The following GATAD2B variants were observed in gnomAD, a reference collection of about 807,000 sequenced individuals.
GATAD2B encodes GATA zinc finger domain containing 2B, also known as transcriptional repressor p66-beta.
In GATAD2B, 8 loss-of-function variants were observed where a neutral mutation model predicts 64.3. That is an observed-to-expected ratio of 0.12 (90% CI 0.07 to 0.22). The LOEUF (loss-of-function observed/expected upper bound fraction) is 0.22. GATAD2B is among the 10% of genes least tolerant of loss of function. The pLI, the probability that GATAD2B is intolerant of heterozygous loss-of-function variation, is 1.00. For missense variants in GATAD2B, 453 were observed against 752.0 expected, an observed-to-expected ratio of 0.60 and a Z score of 4.65; for synonymous variants, 281 against 271.3, an observed-to-expected ratio of 1.04 and a Z score of -0.35.
At chr1:153,839,069 A>C (rs1397936694) in intron 1 of GATAD2B, among the ~76,000 whole-genome samples, 2 of 138,986 alleles carry the variant, frequency 1.4e-5, no homozygotes, top group African/African-American at 5.5e-5. Flanking sequence ...AGATCAGGTC[A>C]CTTCACTCCA....
intron 1 of GATAD2B, among the ~76,000 whole-genome samples, chr1:153,863,026 C>CT (rs569824122): frequency 2.0e-5 from 3 of 152,028 alleles, no homozygotes; most frequent in Non-Finnish European, 4.4e-5. Flanking sequence ...GCCTGGCATA[C>CT]TTTTTTTAAG....
intron 1 of GATAD2B, among the ~76,000 whole-genome samples, chr1:153,863,146 T>G (rs972584172): frequency 6.6e-6 from 1 of 152,170 alleles, no homozygotes; most frequent in Non-Finnish European, 1.5e-5. Context: ...TGGTTATTAC[T>G]AGGCACTGTA....
At chr1:153,873,453 G>A (rs1308948171) in intron 1 of GATAD2B, among the ~76,000 whole-genome samples, 1 of 152,110 alleles carries the variant, frequency 6.6e-6, no homozygotes, top group Non-Finnish European at 1.5e-5. Context: ...CAGATTAATG[G>A]GTTATTCAGA....
chr1:153,910,108 C>T (rs1024680361), intron 1 of GATAD2B, among the ~76,000 whole-genome samples: 4 of 151,702 alleles, frequency 2.6e-5, no homozygotes, highest in Admixed American at 6.6e-5. Flanking sequence ...AGTGAGACTC[C>T]GTCTCAAAAT....
intron 1 of GATAD2B, chr1:153,852,494 G>A (rs553818704): frequency 1.3e-6 from 1 of 763,234 alleles, no homozygotes; most frequent in South Asian, 1.3e-5. Flanking sequence ...GTGACTCGAT[G>A]TGCTCTGCAC....
chr1:153,848,069 T>G (rs1223554877), intron 1 of GATAD2B, among the ~76,000 whole-genome samples: 1 of 152,206 alleles, frequency 6.6e-6, no homozygotes, highest in African/African-American at 2.4e-5. Flanking sequence ...CCCCAGTTAG[T>G]TCTATTATTT....
intron 7 of GATAD2B, among the ~76,000 whole-genome samples, chr1:153,814,342 G>A (rs760975575): frequency 9.2e-5 from 14 of 152,222 alleles, no homozygotes; most frequent in African/African-American, 2.4e-4. Flanking sequence ...TCTATAGTAT[G>A]GTTTAGTATT....
rs58886241 is a variant in GATAD2B at position 153,808,799 on chromosome 1, TAA to T, written c.*1376_*1377del. On this transcript the variant is annotated 3_prime_UTR_variant, in exon 11 of 11. Transcript: ENST00000368655. Reference sequence around the variant, plus strand: ...ATTCATTCTCTACATTAGTAGCGCTTAAAAAAAAAAAAAAAAAAAAGGCAAAA... The same window carrying T: ...ATTCATTCTCTACATTAGTAGCGCTTAAAAAAAAAAAAAAAAAAGGCAAAA... 1.1e-4 allele frequency: 10 copies of T among 93,832 alleles called. No homozygotes were observed. Among genetic ancestry groups the T allele is most frequent in the East Asian group, 3.0e-4 (1 of 3,388 alleles). 5.8% of individuals were successfully genotyped at this position (93,832 alleles called of 1,614,324 possible).
chr1:153,814,107 T>C (rs1674378266), intron 7 of GATAD2B, among the ~76,000 whole-genome samples: 1 of 152,220 alleles, frequency 6.6e-6, no homozygotes, highest in Non-Finnish European at 1.5e-5. Context: ...ACTCAACCAA[T>C]ACTTTTGCTT....
intron 1 of GATAD2B, among the ~76,000 whole-genome samples, chr1:153,861,655 CGCCTGTAGTCCCA>C (rs1676285565): frequency 6.7e-6 from 1 of 148,482 alleles, no homozygotes; most frequent in African/African-American, 2.5e-5. Flanking sequence ...TGGTGGTGCA[CGCCTGTAGTCCCA>C]GCTACTTGGA....
At chr1:153,865,829 T>G (rs1426751915) in intron 1 of GATAD2B, among the ~76,000 whole-genome samples, 2 of 151,994 alleles carry the variant, frequency 1.3e-5, no homozygotes, top group Non-Finnish European at 2.9e-5. Context: ...ATTTAAACCT[T>G]AGAACGGTCT....
intron 1 of GATAD2B, among the ~76,000 whole-genome samples, chr1:153,912,120 A>G (rs1678126494): frequency 6.6e-6 from 1 of 152,218 alleles, no homozygotes; most frequent in African/African-American, 2.4e-5. Flanking sequence ...AAAGTTAGGA[A>G]CTTACAGTAT....
Position 153,813,243 on chromosome 1 carries a change from T to C in GATAD2B, c.1419+7A>G. 1 of 1,612,006 alleles carries C rather than the reference T, an allele frequency of 6.2e-7. No homozygotes were observed. Among genetic ancestry groups the C allele is most frequent in the Non-Finnish European group, 8.5e-7 (1 of 1,178,728 alleles). Reference sequence around the variant, plus strand: ...ACAGGTGGCCAGTGAGCAGTCAGAATTCTTACCTGTTCCTGCTGTAGGGCT... The same window carrying C: ...ACAGGTGGCCAGTGAGCAGTCAGAACTCTTACCTGTTCCTGCTGTAGGGCT... On this transcript the variant is annotated splice_region_variant and intron_variant, in intron 8 of 10. Transcript: ENST00000368655.
intron 1 of GATAD2B, among the ~76,000 whole-genome samples, chr1:153,889,427 A>C (rs922457417): frequency 4.3e-4 from 65 of 150,986 alleles, no homozygotes; most frequent in African/African-American, 1.3e-3. Flanking sequence ...AAAAAAAAAA[A>C]AAAAAAAAAC....
Position 153,819,651 on chromosome 1 carries a change from G to C in GATAD2B, c.420C>G (p.Ser140=). Residue 140 remains serine (S), a synonymous_variant, in exon 3 of 11, where the codon TCC becomes TCG. Coordinates refer to ENST00000368655, the MANE Select transcript of GATAD2B (RefSeq NM_020699.4). ...CTGCTTTGAGTCTTTCTTCCATTCT[G>C]GAACTGGAACGGGGACTGGAAGCCT... The part of the protein sequence containing the change: ...DNEASSPRSS[S]RMEERLKAAN... The C allele has an allele frequency of 6.2e-7, 1 of 1,610,350 alleles. No individual in the cohort carries two copies. Among genetic ancestry groups the C allele is most frequent in the Non-Finnish European group, 8.5e-7 (1 of 1,177,720 alleles).
At chr1:153,854,809 C>T (rs1483432255) in intron 1 of GATAD2B, among the ~76,000 whole-genome samples, 2 of 152,120 alleles carry the variant, frequency 1.3e-5, no homozygotes, top group African/African-American at 4.8e-5. Flanking sequence ...CACATCTTAA[C>T]AATGGAACAA....
chr1:153,853,264 T>C (rs1675968712), intron 1 of GATAD2B: 3 of 969,964 alleles, frequency 3.1e-6, no homozygotes, highest in African/African-American at 1.6e-5. Context: ...CACCCTTCCC[T>C]GCCATCTCAC....
chr1:153,895,936 G>T (rs185068153), intron 1 of GATAD2B, among the ~76,000 whole-genome samples: 2 of 149,586 alleles, frequency 1.3e-5, no homozygotes, highest in African/African-American at 4.9e-5. Context: ...GAGGTGGGAG[G>T]ATCACCTGAA....
intron 1 of GATAD2B, among the ~76,000 whole-genome samples, chr1:153,916,002 G>A (rs372843621): frequency 3.9e-5 from 6 of 152,128 alleles, no homozygotes; most frequent in Admixed American, 1.3e-4. Flanking sequence ...TAAGACAGCC[G>A]GGTGCGGTGG....
Sources: gnomAD v4.1 joint callset for allele counts (sites outside exome capture counted in the v4.1 genomes callset) on GRCh38, gnomAD v4.1.1 for gene constraint, MANE v1.5 for transcripts, NCBI Gene and HGNC (gene_info 2026-07-23, HGNC 2026-07-21) for gene names.